The following PHRF1 variants were observed in gnomAD, a reference collection of about 807,000 sequenced individuals.
PHRF1 encodes PHD and ring finger domains 1, also known as PHD and RING finger domain-containing protein 1.
PHRF1 carries 53 observed loss-of-function variants against 128.9 expected under a neutral mutation model. That is an observed-to-expected ratio of 0.41 (90% confidence interval 0.33 to 0.52). The LOEUF is 0.52. Among genes scored for constraint, PHRF1 ranks in the 20% least tolerant of loss-of-function variants. The pLI is 0.21. For synonymous variants in PHRF1, 1,178 were observed against 980.6 expected, an observed-to-expected ratio of 1.20 and a Z score of -3.76; for missense variants, 2,503 against 2,284.5, an observed-to-expected ratio of 1.10 and a Z score of -1.95.
chr11:610,193 C>A lies in PHRF1; in HGVS notation c.4265-3C>A. The A allele has an allele frequency of 6.6e-7, 1 of 1,508,950 alleles. No homozygotes were observed. Among genetic ancestry groups the A allele is most frequent in the Non-Finnish European group, 8.9e-7 (1 of 1,122,832 alleles). The allele number at this position is 1,508,950 out of a possible 1,614,324, so 93.5% of individuals were successfully genotyped here. A position where few individuals can be genotyped will look rare whatever the true frequency, so the allele number is the denominator to read the frequency against. On this transcript the variant is annotated splice_region_variant and splice_polypyrimidine_tract_variant and intron_variant, in intron 14 of 17. Coordinates refer to ENST00000264555, the MANE Select transcript of PHRF1 (RefSeq NM_001286581.2). ...CCCACCTCCCTGTCTGTCGGGCCCC[C>A]AGGGGCACCACTTCACAGGCCACAG...
intron 12 of PHRF1, 43 bp from the exon 13 acceptor site, chr11:606,399 C>G (rs7929316): frequency 1.3e-6 from 2 of 1,512,792 alleles, no homozygotes; most frequent in Non-Finnish European, 1.8e-6. Flanking sequence ...GCCCTCAGGC[C>G]GTGGGAGGCA....
chr11:592,994 G>C (rs1236926160), intron 6 of PHRF1, among the ~76,000 whole-genome samples: 5 of 152,222 alleles, frequency 3.3e-5, no homozygotes, highest in African/African-American at 1.2e-4. Flanking sequence ...GGCCTTTGTG[G>C]GGGAGGGGTG....
intron 1 of PHRF1, among the ~76,000 whole-genome samples, chr11:578,954 A>T (rs545441160): frequency 6.6e-6 from 1 of 151,816 alleles, no homozygotes; most frequent in African/African-American, 2.4e-5. Flanking sequence ...GGTTCAAGCA[A>T]TTCTCCTCCG....
Position 598,597 on chromosome 11 carries a change from A to C in PHRF1, c.1024+95A>C, listed in dbSNP as rs778378066. 3 of 1,452,464 alleles carry C rather than the reference A, an allele frequency of 2.1e-6. No homozygotes were observed. The African/African-American group carries it at 4.3e-5, about 21-fold the overall frequency. 90.0% of individuals were successfully genotyped at this position (1,452,464 alleles called of 1,614,324 possible). A position where few individuals can be genotyped will look rare whatever the true frequency, so the allele number is the denominator to read the frequency against. ...TTCCCTCAAGGCTGTGGGCATTTCC[A>C]TTTCTTCTTTCTGCAAGTTAATCTT... is the stretch of plus-strand genomic sequence containing the variant. On this transcript the variant is annotated intron_variant, in intron 9 of 17. Coordinates refer to ENST00000264555, the MANE Select transcript of PHRF1 (RefSeq NM_001286581.2).
rs1856039810 is a variant in PHRF1 at position 607,699 on chromosome 11, C to T, written c.2243C>T (p.Ser748Phe). 6.2e-7 allele frequency: 1 copy of T among 1,610,382 alleles called. No individual in the cohort carries two copies. Among genetic ancestry groups the T allele is most frequent in the Non-Finnish European group, 8.5e-7 (1 of 1,178,342 alleles). Residue 748 changes from serine (S) to phenylalanine (F), a missense_variant, in exon 14 of 18, where the codon TCC becomes TTC. By Grantham distance (155) the Ser-to-Phe change is radical. Coordinates refer to ENST00000264555, the MANE Select transcript of PHRF1 (RefSeq NM_001286581.2). ...PREPGVHTGSSRPPAPSSHGS... is the reference protein window; with the variant it reads ...PREPGVHTGSFRPPAPSSHGS... Reference sequence around the variant, plus strand: ...GAGCCCGGGGTGCACACGGGCAGCTCCCGGCCCCCAGCCCCCAGCTCCCAT... The same window carrying T: ...GAGCCCGGGGTGCACACGGGCAGCTTCCGGCCCCCAGCCCCCAGCTCCCAT...
At chr11:583,350 A>G (rs112681023) in intron 3 of PHRF1, among the ~76,000 whole-genome samples, 1,537 of 151,460 alleles carry the variant, frequency 0.01, 25 homozygotes, top group African/African-American at 0.035. Context: ...AAAAACAAAC[A>G]AAAAAACCCC....
At position 610,560 on chromosome 11, in the gene PHRF1, A is replaced by G. The variant is rs766332133; in HGVS notation, c.4476A>G (p.Ala1492=). 107 of 1,605,932 alleles carry G rather than the reference A, an allele frequency of 6.7e-5. No individual in the cohort carries two copies. Among genetic ancestry groups the G allele is most frequent in the Non-Finnish European group, 8.4e-5 (99 of 1,179,712 alleles). The stretch of plus-strand genomic sequence containing the variant: ...AGCCCTCAAGCATCCCACCCTGCGC[A>G]CTGGTCAGCCAGCCCACGGTCCAGT... ...PAQPSSIPPC[A]LVSQPTVQFI... Residue 1492 remains alanine, a synonymous_variant, in exon 16 of 18, where the codon GCA becomes GCG. Coordinates refer to ENST00000264555, the MANE Select transcript of PHRF1 (RefSeq NM_001286581.2).
intron 13 of PHRF1, 44 bp from the exon 14 acceptor site, chr11:607,022 A>C (rs932594919): frequency 5.9e-6 from 9 of 1,525,080 alleles, no homozygotes; most frequent in Non-Finnish European, 7.9e-6. Context: ...ACATTTAAGA[A>C]GAGTGGGTGG....
At chr11:589,897 ATGGAGCGTG>A (rs1564845338) in intron 4 of PHRF1, among the ~76,000 whole-genome samples, 17 of 149,548 alleles carry the variant, frequency 1.1e-4, no homozygotes, top group African/African-American at 4.3e-4. Context: ...GCAAACGGGC[ATGGAGCGTG>A]CAGGGTTCAG....
At chr11:584,403 C>T (rs532917347) in intron 3 of PHRF1, among the ~76,000 whole-genome samples, 1 of 152,310 alleles carries the variant, frequency 6.6e-6, no homozygotes, top group African/African-American at 2.4e-5. Flanking sequence ...ACCGTGTCTG[C>T]GCTCACCTTC....
intron 6 of PHRF1, among the ~76,000 whole-genome samples, chr11:593,654 G>T (rs983309249): frequency 6.6e-6 from 1 of 152,234 alleles, no homozygotes; most frequent in African/African-American, 2.4e-5. Context: ...CCTCCTTGGG[G>T]GTCCTGCAGG....
chr11:578,326 T>C (rs746157163), intron 1 of PHRF1, among the ~76,000 whole-genome samples: 2 of 152,226 alleles, frequency 1.3e-5, no homozygotes, highest in African/African-American at 2.4e-5. Context: ...TCACGTAACC[T>C]GAACGTTCCT....
chr11:600,662 C>T (rs1191394990), intron 9 of PHRF1, among the ~76,000 whole-genome samples: 1 of 151,488 alleles, frequency 6.6e-6, no homozygotes, highest in Non-Finnish European at 1.5e-5. Flanking sequence ...AAAACTCTGT[C>T]TCTATTAAAA....
intron 12 of PHRF1, among the ~76,000 whole-genome samples, chr11:606,201 C>T (rs193266055): frequency 7.9e-4 from 120 of 152,382 alleles, no homozygotes; most frequent in Non-Finnish European, 5.3e-4. Context: ...GGTGACTTCT[C>T]CCAAAAACGC....
At chr11:583,471 C>G (rs769835880) in intron 3 of PHRF1, among the ~76,000 whole-genome samples, 4 of 150,738 alleles carry the variant, frequency 2.7e-5, no homozygotes, top group South Asian at 2.1e-4. Flanking sequence ...GAGCTGAGAT[C>G]ACGCCACCAC....
Position 592,484 on chromosome 11 carries a change from A to C in PHRF1, c.505-75A>C. On this transcript the variant is annotated intron_variant, in intron 5 of 17. Transcript: ENST00000264555. The stretch of plus-strand genomic sequence containing the variant: ...TAAGGCAATGGGTGGATTCTGGATT[A>C]ACTGCGTTTCACGCTGGGAAGTGAC... 2.8e-6 allele frequency: 4 copies of C among 1,426,666 alleles called. No homozygotes were observed. In the South Asian group the frequency reaches 4.6e-5, roughly 16 times the overall value. 88.4% of individuals were successfully genotyped at this position (1,426,666 alleles called of 1,614,324 possible). A position where few individuals can be genotyped will look rare whatever the true frequency, so the allele number is the denominator to read the frequency against.
At position 608,725 on chromosome 11, in the gene PHRF1, G is replaced by T. The variant is rs368921476; in HGVS notation, c.3269G>T (p.Arg1090Leu). ...GPWGHSRRTS[R>L]SRSGSPGSSS... Reference sequence around the variant, plus strand: ...TGGGGCCACAGCCGGAGGACGTCCCGGTCGCGGTCGGGGAGCCCTGGCAGC... The same window carrying T: ...TGGGGCCACAGCCGGAGGACGTCCCTGTCGCGGTCGGGGAGCCCTGGCAGC... Residue 1090 changes from arginine (R) to leucine (L), a missense_variant, in exon 14 of 18, where the codon CGG (arginine) becomes CTG (leucine). Physicochemically the swap from Arg to Leu is moderately radical, Grantham distance 102. Coordinates refer to ENST00000264555, the MANE Select transcript of PHRF1 (RefSeq NM_001286581.2). 14 of 1,611,114 alleles carry T rather than the reference G, an allele frequency of 8.7e-6. No individual in the cohort carries two copies.
chr11:594,788 C>T (rs890497854), intron 6 of PHRF1, among the ~76,000 whole-genome samples: 2 of 152,184 alleles, frequency 1.3e-5, no homozygotes, highest in African/African-American at 4.8e-5. Context: ...TAACAAGGCT[C>T]TTGGGAATGT....
At chr11:590,204 T>C (rs1854885734) in intron 4 of PHRF1, among the ~76,000 whole-genome samples, 2 of 152,096 alleles carry the variant, frequency 1.3e-5, no homozygotes, top group African/African-American at 4.8e-5. Flanking sequence ...AGCTGGTCGG[T>C]AGGAGGGCAC....
Sources: gnomAD v4.1 joint callset for allele counts (sites outside exome capture counted in the v4.1 genomes callset) on GRCh38, gnomAD v4.1.1 for gene constraint, MANE v1.5 for transcripts, NCBI Gene and HGNC (gene_info 2026-07-23, HGNC 2026-07-21) for gene names.